Variants in AUTS2 observed in about 807,000 individuals in gnomAD.
AUTS2 encodes autism susceptibility gene 2 protein.
AUTS2 carries 17 observed loss-of-function variants against 112.4 expected under a neutral mutation model. The ratio of observed to expected loss-of-function variants is 0.15; its 90% CI spans 0.10 to 0.23. The LOEUF is 0.23. Among genes scored for constraint, AUTS2 ranks in the 10% least tolerant of loss-of-function variants. The probability of loss-of-function intolerance (pLI) is 1.00; values close to 1 mark genes in which losing one functional copy is unlikely to be tolerated. For synonymous variants in AUTS2, 751 were observed against 702.7 expected (o/e 1.07, Z -1.09); for missense variants, 1,510 against 1,701.6 (o/e 0.89, Z 1.98).
chr7:70,036,131 T>G (rs1438188545), intron 2 of AUTS2, among the ~76,000 whole-genome samples: 2 of 152,166 alleles, frequency 1.3e-5, no homozygotes, highest in Non-Finnish European at 2.9e-5. Context: ...AGAGGTGGTT[T>G]GAGAGGCAAA....
intron 1 of AUTS2, among the ~76,000 whole-genome samples, chr7:69,721,728 A>G (rs1282800685): frequency 6.6e-6 from 1 of 152,188 alleles, no homozygotes; most frequent in Non-Finnish European, 1.5e-5. Flanking sequence ...TCATCACAGA[A>G]CTGGATCTTG....
chr7:69,764,989 A>G (rs1788358583), intron 1 of AUTS2, among the ~76,000 whole-genome samples: 2 of 152,142 alleles, frequency 1.3e-5, no homozygotes, highest in Non-Finnish European at 2.9e-5. Flanking sequence ...GAGTACGTTG[A>G]TAATATTTCT....
chr7:70,163,739 G>A (rs1334019071), intron 4 of AUTS2, among the ~76,000 whole-genome samples: 1 of 152,138 alleles, frequency 6.6e-6, no homozygotes, highest in Non-Finnish European at 1.5e-5. Context: ...GCAAAACTTG[G>A]CTTCCCCGTG....
rs573438098 is a variant in AUTS2, at chr7:69,947,013, A to G, written c.522+47515A>G. ...TGGTGGGCACTCGTTTGATACTAGA[A>G]TTCACACTGCTTTTTTCAGCAGCCA... is the stretch of plus-strand genomic sequence containing the variant. On this transcript the variant is annotated intron_variant, in intron 2 of 18. Coordinates refer to ENST00000342771, the MANE Select transcript of AUTS2 (RefSeq NM_015570.4). Among the ~76,000 whole-genome samples the G allele has an allele frequency of 1.0e-3, 156 of 152,214 alleles. 1 individual carries two copies. Among genetic ancestry groups the G allele is most frequent in the African/African-American group, 3.3e-3 (135 of 41,532 alleles).
Position 69,767,245 on chromosome 7 carries a change from T to G in AUTS2, c.310-132041T>G, listed in dbSNP as rs1356865636. Among the ~76,000 whole-genome samples the G allele has an allele frequency of 2.6e-5, 4 of 151,988 alleles. No individual in the cohort carries two copies. The East Asian group carries it at 7.7e-4, about 29-fold the overall frequency. On this transcript the variant is annotated intron_variant, in intron 1 of 18. Coordinates refer to ENST00000342771, the MANE Select transcript of AUTS2 (RefSeq NM_015570.4). ...CCCAGGCTGGAGTGCAGTGGCGTGA[T>G]CATGGCTCACTGCAGCCTCGACCTG... is the stretch of plus-strand genomic sequence containing the variant.
chr7:70,129,901 T>TTGTGTG (rs34163076), intron 3 of AUTS2, among the ~76,000 whole-genome samples: 39 of 147,410 alleles, frequency 2.6e-4, no homozygotes, highest in African/African-American at 4.5e-4. Flanking sequence ...TATATATATA[T>TTGTGTG]TGTGTGTGTG....
At chr7:70,528,104 T>TAA (rs1554421909) in intron 5 of AUTS2, among the ~76,000 whole-genome samples, 1 of 121,082 alleles carries the variant, frequency 8.3e-6, no homozygotes, top group South Asian at 2.7e-4. Context: ...TTTTTTTTTT[T>TAA]TTTTTTTTTT....
chr7:70,469,142 T>G (rs189293107), intron 5 of AUTS2, among the ~76,000 whole-genome samples: 1 of 152,352 alleles, frequency 6.6e-6, no homozygotes, highest in East Asian at 1.9e-4. Context: ...GAGTGTCTGT[T>G]ACATGCCAGT....
At chr7:69,885,801 C>T (rs754925827) in intron 1 of AUTS2, among the ~76,000 whole-genome samples, 1 of 152,146 alleles carries the variant, frequency 6.6e-6, no homozygotes, top group Non-Finnish European at 1.5e-5. Flanking sequence ...AAACTTTTTC[C>T]AATGCTGAGT....
At chr7:70,684,312 A>G (rs1390173025) in intron 5 of AUTS2, among the ~76,000 whole-genome samples, 1 of 152,198 alleles carries the variant, frequency 6.6e-6, no homozygotes, top group Non-Finnish European at 1.5e-5. Flanking sequence ...GATGTCAGTA[A>G]TCTTTCAAAC....
intron 2 of AUTS2, among the ~76,000 whole-genome samples, chr7:70,066,687 A>G (rs1302240749): frequency 1.3e-5 from 2 of 151,878 alleles, no homozygotes; most frequent in African/African-American, 4.8e-5. Flanking sequence ...CTACAGGTGC[A>G]TGCCACCACA....
chr7:70,581,802 A>T (rs943803620), intron 5 of AUTS2, among the ~76,000 whole-genome samples: 1 of 152,072 alleles, frequency 6.6e-6, no homozygotes, highest in Non-Finnish European at 1.5e-5. Flanking sequence ...TAATTCAGGC[A>T]TTTTTTTAAT....
At chr7:70,394,470 C>T (rs907445937) in intron 4 of AUTS2, among the ~76,000 whole-genome samples, 4 of 152,216 alleles carry the variant, frequency 2.6e-5, no homozygotes, top group African/African-American at 9.6e-5. Flanking sequence ...CTCATTTGAA[C>T]TTTGCCAACC....
intron 2 of AUTS2, among the ~76,000 whole-genome samples, chr7:70,115,422 G>C (rs139086865): frequency 6.6e-6 from 1 of 152,110 alleles, no homozygotes; most frequent in Non-Finnish European, 1.5e-5. Context: ...TGATCCCCCC[G>C]CTTCAGCCTC....
intron 4 of AUTS2, among the ~76,000 whole-genome samples, chr7:70,355,848 A>T (rs574169752): frequency 3.7e-4 from 56 of 152,276 alleles, no homozygotes; most frequent in Non-Finnish European, 3.4e-4. Context: ...GTGCTTCTGG[A>T]ACCATGCTGC....
intron 5 of AUTS2, among the ~76,000 whole-genome samples, chr7:70,620,944 C>T (rs372166090): frequency 2.6e-5 from 4 of 152,208 alleles, no homozygotes; most frequent in Non-Finnish European, 5.9e-5. Context: ...AAGACCAGTT[C>T]AGCAGCTGAG....
chr7:70,351,044 GTCT>G (rs1468252460), intron 4 of AUTS2, among the ~76,000 whole-genome samples: 5 of 143,516 alleles, frequency 3.5e-5, no homozygotes, highest in Middle Eastern at 3.8e-3. Context: ...ACAGGATTTT[GTCT>G]TCTTCTTTTT....
At chr7:70,470,884 T>C (rs12670172) in intron 5 of AUTS2, among the ~76,000 whole-genome samples, 17,360 of 152,138 alleles carry the variant, frequency 0.11, 1,039 homozygotes, top group East Asian at 0.2. Flanking sequence ...GCCATGGGGA[T>C]CTGACCCGCG....
At chr7:69,734,024 G>A (rs905850810) in intron 1 of AUTS2, among the ~76,000 whole-genome samples, 2 of 152,036 alleles carry the variant, frequency 1.3e-5, no homozygotes, top group Admixed American at 6.6e-5. Context: ...TAGCTCTGAG[G>A]CAAAGCTGGT....
Sources: allele counts gnomAD v4.1 joint callset (sites outside exome capture counted in the v4.1 genomes callset), GRCh38; gene constraint gnomAD v4.1.1; transcripts MANE v1.5; gene names NCBI Gene and HGNC (gene_info 2026-07-23, HGNC 2026-07-21).